Variants in SOX5 observed in about 807,000 individuals in gnomAD.
SOX5 encodes SRY-box transcription factor 5.
In SOX5, 9 loss-of-function variants were observed where a neutral mutation model predicts 92.0. The observed-to-expected ratio is 0.10, with a 90% confidence interval of 0.06 to 0.17. The LOEUF (loss-of-function observed/expected upper bound fraction) is 0.17, where lower values mean the gene tolerates loss of function less well. Among genes scored for constraint, SOX5 ranks in the 10% least tolerant of loss-of-function variants. SOX5 has a pLI of 1.00. For missense variants in SOX5, 642 were observed against 944.5 expected (o/e 0.68, Z 4.20); for synonymous variants, 344 against 336.3 (o/e 1.02, Z -0.25).
At chr12:24,065,112 A>G (rs140120756) in intron 4 of SOX5, among the ~76,000 whole-genome samples, 1 of 152,192 alleles carries the variant, frequency 6.6e-6, no homozygotes, top group African/African-American at 2.4e-5. Context: ...AGGGCAGTTT[A>G]GGGATGTGCG....
chr12:23,558,845 C>T (rs372703917), intron 11 of SOX5, among the ~76,000 whole-genome samples: 2 of 152,268 alleles, frequency 1.3e-5, no homozygotes, highest in Middle Eastern at 3.4e-3. Flanking sequence ...TCAGGTGATC[C>T]GCCTGCCTCA....
intron 2 of SOX5, among the ~76,000 whole-genome samples, chr12:23,885,091 C>A (rs1375507660): frequency 6.6e-6 from 1 of 152,150 alleles, no homozygotes; most frequent in Non-Finnish European, 1.5e-5. Flanking sequence ...AGCATGCCAG[C>A]CACTGTCACA....
At chr12:24,145,153 G>A (rs535697182) in intron 4 of SOX5, among the ~76,000 whole-genome samples, 10 of 152,140 alleles carry the variant, frequency 6.6e-5, no homozygotes, top group African/African-American at 2.4e-4. Flanking sequence ...ATCTGAAGAT[G>A]TATCGACTAT....
At chr12:24,175,131 T>A (rs750175054) in intron 4 of SOX5, among the ~76,000 whole-genome samples, 1 of 152,244 alleles carries the variant, frequency 6.6e-6, no homozygotes, top group Non-Finnish European at 1.5e-5. Context: ...AATCATACTG[T>A]ACATGGCAAT....
chr12:23,791,968 A>T (rs1319824259), intron 3 of SOX5, among the ~76,000 whole-genome samples: 2 of 152,104 alleles, frequency 1.3e-5, no homozygotes, highest in African/African-American at 2.4e-5. Context: ...TTAGTAGGGG[A>T]TATAGAGTAA....
chr12:23,603,155 A>T (rs891558549), intron 9 of SOX5, among the ~76,000 whole-genome samples: 1 of 151,958 alleles, frequency 6.6e-6, no homozygotes, highest in Non-Finnish European at 1.5e-5. Flanking sequence ...TGGAGGTTAG[A>T]GTGCCCTTTT....
At chr12:24,392,106 G>T (rs1959049984) in intron 1 of SOX5, among the ~76,000 whole-genome samples, 1 of 152,036 alleles carries the variant, frequency 6.6e-6, no homozygotes, top group African/African-American at 2.4e-5. Context: ...ATTCAAAATG[G>T]GAGTAGATCA....
At position 23,531,715 on chromosome 12, in the gene SOX5, T is replaced by G. The variant is rs1939125492; in HGVS notation, c.*2504A>C. 1 of 152,048 alleles carries G rather than the reference T, an allele frequency of 6.6e-6. No homozygotes were observed. The highest frequency in any genetic ancestry group is 1.5e-5 in the Non-Finnish European group (1 of 68,008). The allele number at this position is 152,048 out of a possible 1,614,324, so 9.4% of individuals were successfully genotyped here. On this transcript the variant is annotated 3_prime_UTR_variant, in exon 15 of 15. Transcript: ENST00000451604. The stretch of plus-strand genomic sequence containing the variant: ...CAAACAAAAACAAAAAAAAATTGGC[T>G]CTAGATGACTGTGGCAATTAAATAA...
chr12:23,909,738 G>C (rs566224225), intron 1 of SOX5, among the ~76,000 whole-genome samples: 1 of 152,076 alleles, frequency 6.6e-6, no homozygotes, highest in African/African-American at 2.4e-5. Context: ...GCTGACCACT[G>C]TCTGAGCTTA....
intron 9 of SOX5, among the ~76,000 whole-genome samples, chr12:23,576,892 T>A (rs977704819): frequency 6.6e-6 from 1 of 151,816 alleles, no homozygotes; most frequent in Non-Finnish European, 1.5e-5. Flanking sequence ...TACATTAATA[T>A]TATTGTAGAA....
chr12:23,617,835 A>G (rs939912644), intron 8 of SOX5, among the ~76,000 whole-genome samples: 1 of 152,182 alleles, frequency 6.6e-6, no homozygotes, highest in Admixed American at 6.5e-5. Flanking sequence ...TTAAAGAACC[A>G]GATATATTTT....
rs757477872 is a variant in SOX5, at chr12:23,563,291, A to T, written c.1455T>A (p.Asn485Lys). The change falls in exon 11 of 15, where the codon AAT becomes AAA. Residue 485 changes from asparagine (N) to lysine (K), a missense_variant. Physicochemically the swap from Asn to Lys is moderately conservative, Grantham distance 94. This residue lies in a region of SOX5 where 324 missense variants were observed against 461.6 expected (regional missense o/e 0.70). Transcript: ENST00000451604. The stretch of plus-strand genomic sequence containing the variant: ...TTCGGCAGTTATTGAGACCCAGACT[A>T]TTCACAACAGCCACCTTCCCATCAA... ...QVLDGKVAVV[N>K]SLGLNNCRTE... is the part of the protein sequence containing the mutation. 3 of 1,614,020 alleles carry T rather than the reference A, an allele frequency of 1.9e-6. No individual in the cohort carries two copies. The highest frequency in any genetic ancestry group is 2.5e-6 in the Non-Finnish European group (3 of 1,179,914).
chr12:23,701,426 C>T (rs1357361422), intron 6 of SOX5, among the ~76,000 whole-genome samples: 1 of 151,840 alleles, frequency 6.6e-6, no homozygotes, highest in East Asian at 1.9e-4. Flanking sequence ...AATTGTTTAT[C>T]CCTCTCTGCA....
intron 1 of SOX5, among the ~76,000 whole-genome samples, chr12:24,397,857 T>G (rs759897772): frequency 6.6e-6 from 1 of 151,806 alleles, no homozygotes; most frequent in Non-Finnish European, 1.5e-5. Context: ...ATTTATTTAT[T>G]TATTTATTTT....
At chr12:23,737,596 C>T (rs984360056) in intron 5 of SOX5, among the ~76,000 whole-genome samples, 1 of 152,118 alleles carries the variant, frequency 6.6e-6, no homozygotes, top group African/African-American at 2.4e-5. Flanking sequence ...AAACACTTCT[C>T]TCTCACTCAG....
intron 3 of SOX5, among the ~76,000 whole-genome samples, chr12:23,788,233 A>G (rs1173509953): frequency 1.3e-5 from 2 of 151,992 alleles, no homozygotes; most frequent in African/African-American, 2.4e-5. Flanking sequence ...AGAAGGATTC[A>G]GGTCAGAGAG....
intron 10 of SOX5, among the ~76,000 whole-genome samples, chr12:23,573,788 C>T (rs984958176): frequency 1.4e-4 from 21 of 152,024 alleles, no homozygotes; most frequent in Middle Eastern, 3.2e-3. Context: ...CTTTGTTCTT[C>T]CCTTGGATCA....
intron 4 of SOX5, among the ~76,000 whole-genome samples, chr12:24,192,315 A>T (rs11047306): frequency 1.3e-5 from 2 of 152,044 alleles, no homozygotes; most frequent in African/African-American, 4.8e-5. Context: ...TTTGAATTTC[A>T]TTTTATCATT....
chr12:23,997,112 G>A (rs1474758559), intron 4 of SOX5, among the ~76,000 whole-genome samples: 1 of 152,010 alleles, frequency 6.6e-6, no homozygotes, highest in South Asian at 2.1e-4. Context: ...ATTGATTAAA[G>A]ACATAGAAAA....
Sources: allele counts gnomAD v4.1 joint callset (sites outside exome capture counted in the v4.1 genomes callset), GRCh38; gene constraint gnomAD v4.1.1; regional missense constraint gnomAD v4.1.1; transcripts MANE v1.5; gene names NCBI Gene and HGNC (gene_info 2026-07-23, HGNC 2026-07-21).